NPY2R: variants seen among roughly 807,000 people sequenced by gnomAD.
NPY2R encodes the protein neuropeptide Y receptor type 2.
Under a neutral mutation model 22.3 loss-of-function variants are expected in NPY2R, and 17 were observed. The observed-to-expected ratio is 0.76, with a 90% CI of 0.52 to 1.14. The LOEUF (loss-of-function observed/expected upper bound fraction) is 1.14, where lower values mean the gene tolerates loss of function less well. Among genes scored for constraint, NPY2R ranks in the 50% most tolerant of loss-of-function variants. NPY2R has a pLI of 0.00. For synonymous variants in NPY2R, 209 were observed against 183.4 expected, an observed-to-expected ratio of 1.14 and a Z score of -1.13; for missense variants, 424 against 467.9, an observed-to-expected ratio of 0.91 and a Z score of 0.87.
the NPY2R span, among the ~76,000 whole-genome samples, chr4:155,174,484 A>ATTT: frequency 3.5e-3 from 371 of 105,956 alleles, 8 homozygotes; most frequent in African/African-American, 0.011. Flanking sequence ...ATATATATAT[A>ATTT]TTTTTTTTTT....
At chr4:155,209,192 T>A (rs1351932982) in intron 1 of NPY2R, 123 bp downstream of exon 1, 1 of 152,210 alleles carries the variant, frequency 6.6e-6, no homozygotes, top group Non-Finnish European at 1.5e-5. Context: ...TTCCTCCTCC[T>A]TTAGGCGGGA....
the NPY2R span, among the ~76,000 whole-genome samples, chr4:155,198,984 A>T: frequency 1.3e-5 from 2 of 152,094 alleles, no homozygotes; most frequent in African/African-American, 4.8e-5. Flanking sequence ...AAGCTTAAAT[A>T]CCATTCAGTT....
At chr4:155,205,881 C>A (rs1269434736), upstream of NPY2R, among the ~76,000 whole-genome samples, 1 of 151,588 alleles carries the variant, frequency 6.6e-6, no homozygotes, top group Non-Finnish European at 1.5e-5. Flanking sequence ...TTTGGCCTGT[C>A]CACTAGGAGT....
Position 155,214,301 on chromosome 4 carries a change from T to C in NPY2R, c.362T>C (p.Val121Ala), listed in dbSNP as rs770740497. ...ATGGGGGAGTGGAAAATGGGTCCTG[T>C]CCTGTGCCACCTGGTGCCCTATGCC... ...TLMGEWKMGPVLCHLVPYAQG... is the reference protein window; with the variant it reads ...TLMGEWKMGPALCHLVPYAQG... The change falls in exon 2 of 2, where the codon GTC (valine) becomes GCC (alanine). Residue 121 changes from valine (V) to alanine (A), a missense_variant. Physicochemically the swap from Val to Ala is moderately conservative, Grantham distance 64. Coordinates refer to ENST00000329476, the MANE Select transcript of NPY2R (RefSeq NM_000910.4). 6.2e-7 allele frequency: 1 copy of C among 1,614,152 alleles called. No homozygotes were observed. Among genetic ancestry groups the C allele is most frequent in the Non-Finnish European group, 8.5e-7 (1 of 1,180,032 alleles).
upstream of NPY2R, among the ~76,000 whole-genome samples, chr4:155,205,668 T>C (rs1325434887): frequency 1.3e-5 from 2 of 152,334 alleles, no homozygotes; most frequent in Admixed American, 6.5e-5. Flanking sequence ...CTTTTGTATT[T>C]CTGTGCATTG....
the NPY2R span, among the ~76,000 whole-genome samples, chr4:155,200,548 G>A: frequency 1.4e-4 from 22 of 152,154 alleles, no homozygotes; most frequent in East Asian, 2.7e-3. Flanking sequence ...AAAGACACAC[G>A]TACATGTATG....
chr4:155,177,331 A>AC, the NPY2R span, among the ~76,000 whole-genome samples: 1 of 152,198 alleles, frequency 6.6e-6, no homozygotes, highest in Non-Finnish European at 1.5e-5. Context: ...CAGAAACAGG[A>AC]CCCACACTTC....
At chr4:155,199,032 T>C in the NPY2R span, among the ~76,000 whole-genome samples, 14 of 152,040 alleles carry the variant, frequency 9.2e-5, no homozygotes, top group African/African-American at 3.4e-4. Context: ...ACTTAAAACC[T>C]ACAGTCTGGA....
the NPY2R span, among the ~76,000 whole-genome samples, chr4:155,186,169 CAGTT>C: frequency 6.6e-6 from 1 of 152,116 alleles, no homozygotes; most frequent in African/African-American, 2.4e-5. Flanking sequence ...CAAGGTTATA[CAGTT>C]AATTAAGAAT....
In NPY2R at chr4:155,213,945, T is replaced by A; in HGVS notation, c.6T>A (p.Gly2=). ...CAAGTGGACCTGTACTGAAAATGGG[T>A]CCAATAGGTGCAGAGGCTGATGAGA... M[G]PIGAEADENQ... The change falls in exon 2 of 2, where the codon GGT becomes GGA. Residue 2 remains glycine (G), a synonymous_variant. Coordinates refer to ENST00000329476, the MANE Select transcript of NPY2R (RefSeq NM_000910.4). 1 of 1,613,850 alleles carries A rather than the reference T, an allele frequency of 6.2e-7. No individual in the cohort carries two copies. The highest frequency in any genetic ancestry group is 1.1e-5 in the South Asian group (1 of 91,064).
rs1729497546 is a variant in NPY2R, at chr4:155,215,508, A to G, written c.*423A>G. 1 of 229,446 alleles carries G rather than the reference A, an allele frequency of 4.4e-6. No homozygotes were observed. The highest frequency in any genetic ancestry group is 2.3e-5 in the African/African-American group (1 of 43,102). The allele number at this position is 229,446 out of a possible 1,614,324, so 14.2% of individuals were successfully genotyped here. ...TGCTCCCTGCTTGGCTTATGAAAAC[A>G]CCACTGAACAGAAATTTCTCCAGGG... On this transcript the variant is annotated 3_prime_UTR_variant, in exon 2 of 2. Coordinates refer to ENST00000329476, the MANE Select transcript of NPY2R (RefSeq NM_000910.4).
chr4:155,209,903 T>G (rs1729367461), intron 1 of NPY2R, among the ~76,000 whole-genome samples: 1 of 152,134 alleles, frequency 6.6e-6, no homozygotes, highest in Admixed American at 6.5e-5. Flanking sequence ...TGAACTGGTC[T>G]CTGACTCAAA....
At chr4:155,179,323 A>T in the NPY2R span, among the ~76,000 whole-genome samples, 1 of 152,028 alleles carries the variant, frequency 6.6e-6, no homozygotes, top group African/African-American at 2.4e-5. Context: ...CGGATGCCAG[A>T]TATTGTGGAT....
Position 155,215,298 on chromosome 4 carries a change from C to A in NPY2R, c.*213C>A. 1 of 644,906 alleles carries A rather than the reference C, an allele frequency of 1.6e-6. No homozygotes were observed. Among genetic ancestry groups the A allele is most frequent in the South Asian group, 1.9e-5 (1 of 54,010 alleles). 39.9% of individuals were successfully genotyped at this position (644,906 alleles called of 1,614,324 possible). On this transcript the variant is annotated 3_prime_UTR_variant, in exon 2 of 2. Transcript: ENST00000329476. ...TAAGGCAACAAAATGGTTTACTTAA[C>A]AGTTGGTTGGGTAGTAGGTTGCATT...
the NPY2R span, among the ~76,000 whole-genome samples, chr4:155,202,213 G>C: frequency 6.6e-6 from 1 of 152,062 alleles, no homozygotes; most frequent in East Asian, 1.9e-4. Flanking sequence ...TTCTATCTAG[G>C]TTTACAAAGG....
In NPY2R at chr4:155,215,307, G is replaced by C. The variant is rs1001464583; in HGVS notation, c.*222G>C. ...AAAATGGTTTACTTAACAGTTGGTT[G>C]GGTAGTAGGTTGCATTATGAGTAAA... On this transcript the variant is annotated 3_prime_UTR_variant, in exon 2 of 2. Transcript: ENST00000329476. 12 of 630,094 alleles carry C rather than the reference G, an allele frequency of 1.9e-5. No individual in the cohort carries two copies. In the African/African-American group the frequency reaches 2.0e-4, roughly 11 times the overall value. The allele number at this position is 630,094 out of a possible 1,614,324, so 39.0% of individuals were successfully genotyped here.
At chr4:155,197,357 C>G in the NPY2R span, among the ~76,000 whole-genome samples, 1 of 151,626 alleles carries the variant, frequency 6.6e-6, no homozygotes, top group Non-Finnish European at 1.5e-5. Flanking sequence ...GAGTGTAAAC[C>G]TACTTATAAT....
the NPY2R span, among the ~76,000 whole-genome samples, chr4:155,175,658 T>C: frequency 1.3e-5 from 2 of 152,176 alleles, no homozygotes; most frequent in African/African-American, 4.8e-5. Flanking sequence ...TCAAGTGTAG[T>C]GTCAAACAAA....
chr4:155,177,083 C>T, the NPY2R span, among the ~76,000 whole-genome samples: 1 of 152,130 alleles, frequency 6.6e-6, no homozygotes, highest in Admixed American at 6.6e-5. Context: ...GACACTGGCC[C>T]CCCAAATTCA....
Sources: gnomAD v4.1 joint callset for allele counts (sites outside exome capture counted in the v4.1 genomes callset) on GRCh38, gnomAD v4.1.1 for gene constraint, MANE v1.5 for transcripts, NCBI Gene and HGNC (gene_info 2026-07-23, HGNC 2026-07-21) for gene names.